UBR1: variants seen among roughly 807,000 people sequenced by gnomAD.
UBR1 encodes E3 ubiquitin-protein ligase UBR1.
Under a neutral mutation model 242.1 loss-of-function variants are expected in UBR1, and 102 were observed. The ratio of observed to expected loss-of-function variants is 0.42; its 90% CI spans 0.36 to 0.50. UBR1 has a LOEUF of 0.50. Among genes scored for constraint, UBR1 ranks in the 20% least tolerant of loss-of-function variants. The probability of loss-of-function intolerance (pLI) is 0.01; values close to 1 mark genes in which losing one functional copy is unlikely to be tolerated. For synonymous variants in UBR1, 675 were observed against 684.8 expected (o/e 0.99, Z 0.22); for missense variants, 1,772 against 2,101.8 (o/e 0.84, Z 3.07).
chr15:43,006,126 A>C (rs1395946598), intron 30 of UBR1, among the ~76,000 whole-genome samples: 3 of 151,650 alleles, frequency 2.0e-5, no homozygotes, highest in Non-Finnish European at 4.4e-5. Context: ...AAAAGAAAAG[A>C]AAAGCACAGA....
Position 42,977,920 on chromosome 15 carries a change from T to C in UBR1, c.4178A>G (p.Asp1393Gly). 6.2e-7 allele frequency: 1 copy of C among 1,613,354 alleles called. No homozygotes were observed. The highest frequency in any genetic ancestry group is 8.5e-7 in the Non-Finnish European group (1 of 1,179,522). ...ATCTATAGACAGAAGGCATGGTGTA[T>C]CTTCTGATTTTATGTTAGGAAGAAC... ...SVVLPNIKSEDTPCLLSIDLF... is the reference protein window; with the variant it reads ...SVVLPNIKSEGTPCLLSIDLF... Residue 1393 changes from aspartate to glycine, a missense_variant, in exon 38 of 47, where the codon GAT becomes GGT. Asp to Gly is a moderately conservative substitution (Grantham distance 94, BLOSUM62 -1). Coordinates refer to ENST00000290650, the MANE Select transcript of UBR1 (RefSeq NM_174916.3).
At chr15:43,076,751 C>A (rs1220206134) in intron 3 of UBR1, among the ~76,000 whole-genome samples, 1 of 143,668 alleles carries the variant, frequency 7.0e-6, no homozygotes, top group Non-Finnish European at 1.5e-5. Flanking sequence ...CGCCTGGCAG[C>A]CACCGCGTCC....
chr15:42,999,338 C>A (rs955009976), intron 32 of UBR1, among the ~76,000 whole-genome samples: 2 of 152,208 alleles, frequency 1.3e-5, no homozygotes, highest in Admixed American at 1.3e-4. Context: ...TCAAATGTCA[C>A]CATCTCAGAG....
At chr15:43,092,907 T>C (rs1878767918) in intron 1 of UBR1, among the ~76,000 whole-genome samples, 1 of 152,210 alleles carries the variant, frequency 6.6e-6, no homozygotes, top group African/African-American at 2.4e-5. Context: ...ATGTTTTCCA[T>C]TATTGCCAAA....
At chr15:43,045,296 C>CA (rs2033470665) in intron 14 of UBR1, among the ~76,000 whole-genome samples, 1 of 151,814 alleles carries the variant, frequency 6.6e-6, no homozygotes. Flanking sequence ...CCTGTCTCTG[C>CA]AAAAAATAAA....
chr15:43,027,480 T>G (rs940984931), intron 22 of UBR1, among the ~76,000 whole-genome samples: 5 of 152,238 alleles, frequency 3.3e-5, no homozygotes, highest in African/African-American at 9.6e-5. Context: ...AATGAAATCA[T>G]GGGTTCAGAT....
intron 32 of UBR1, among the ~76,000 whole-genome samples, chr15:43,001,652 T>C (rs2032726975): frequency 6.6e-6 from 1 of 152,166 alleles, no homozygotes; most frequent in African/African-American, 2.4e-5. Flanking sequence ...AATATAGAAA[T>C]ATATAATTAA....
chr15:42,971,260 T>C (rs1596080253), intron 39 of UBR1, among the ~76,000 whole-genome samples: 1 of 152,176 alleles, frequency 6.6e-6, no homozygotes, highest in Non-Finnish European at 1.5e-5. Flanking sequence ...GAAAGGGAAG[T>C]AGGTGTCTGT....
At chr15:42,986,867 A>G (rs1457379241) in intron 35 of UBR1, among the ~76,000 whole-genome samples, 2 of 152,130 alleles carry the variant, frequency 1.3e-5, no homozygotes. Flanking sequence ...GAGGGCACCA[A>G]CCCCAGGAAG....
At chr15:43,065,414 G>A (rs929417434) in intron 6 of UBR1, among the ~76,000 whole-genome samples, 4 of 151,654 alleles carry the variant, frequency 2.6e-5, no homozygotes, top group African/African-American at 9.7e-5. Flanking sequence ...TTTTACAGAG[G>A]TAAACGTGTG....
rs2033567748 is a variant in UBR1, at chr15:43,052,403, T to C, written c.1439+2339A>G. 2.0e-5 allele frequency among the ~76,000 whole-genome samples: 3 copies of C among 151,364 alleles called. No homozygotes were observed. In the South Asian group the frequency reaches 6.3e-4, roughly 32 times the overall value. On this transcript the variant is annotated intron_variant, in intron 12 of 46. Transcript: ENST00000290650. The stretch of plus-strand genomic sequence containing the variant: ...TAAAAGCTACAAAAAAAGACAAGAG[T>C]TCAATATACAATAGGAAACTTTCTA...
Position 43,038,177 on chromosome 15 carries a change from C to T in UBR1, c.1905G>A (p.Val635=), listed in dbSNP as rs776163753. Residue 635 remains valine (V), a synonymous_variant, in exon 16 of 47, where the codon GTG becomes GTA. Coordinates refer to ENST00000290650, the MANE Select transcript of UBR1 (RefSeq NM_174916.3). The part of the protein sequence containing the change: ...LGAVSRLHEF[V]SFEDFQVEVL... Reference sequence around the variant, plus strand: ...ACTTAGTAGAATCACTTACAAAAGACACAAATTCATGCAGTCTTGAAACAG... The same window carrying T: ...ACTTAGTAGAATCACTTACAAAAGATACAAATTCATGCAGTCTTGAAACAG... 1.2e-6 allele frequency: 2 copies of T among 1,613,808 alleles called. No homozygotes were observed. The highest frequency in any genetic ancestry group is 1.7e-5 in the Admixed American group (1 of 59,976).
intron 37 of UBR1, among the ~76,000 whole-genome samples, chr15:42,983,621 C>T (rs188068111): frequency 3.3e-5 from 5 of 150,524 alleles, no homozygotes; most frequent in African/African-American, 9.7e-5. Context: ...GCCGAGATTG[C>T]GCCATTGCTC....
rs372946259 is a variant in UBR1 at position 43,029,969 on chromosome 15, G to T, written c.2354C>A (p.Ala785Asp). ...LLCIEPMPHSAIAKNLPENEN... is the reference protein window; with the variant it reads ...LLCIEPMPHSDIAKNLPENEN... The stretch of plus-strand genomic sequence containing the variant: ...ATTCTCAGGTAAATTTTTGGCAATG[G>T]CACTGTGTGGCATGGGTTCAATGCA... Residue 785 changes from alanine (A) to aspartate (D), a missense_variant, in exon 21 of 47, where the codon GCC (alanine) becomes GAC (aspartate). Physicochemically the swap from Ala to Asp is moderately radical, Grantham distance 126. Transcript: ENST00000290650. 6.2e-7 allele frequency: 1 copy of T among 1,613,896 alleles called. No homozygotes were observed. Among genetic ancestry groups the T allele is most frequent in the African/African-American group, 1.3e-5 (1 of 74,888 alleles).
At chr15:43,059,519 C>A (rs1252988670) in intron 8 of UBR1, among the ~76,000 whole-genome samples, 183 bp downstream of exon 8, 8 of 149,712 alleles carry the variant, frequency 5.3e-5, no homozygotes, top group Non-Finnish European at 1.2e-4. Flanking sequence ...ATACTATGCA[C>A]TTGAAATAAT....
In UBR1 at chr15:43,096,884, T is replaced by C. The variant is rs143988970; in HGVS notation, c.81+9058A>G. ...AACCCCTCAAAGTCATCCAGGAGGG[T>C]TGGAATCAACTTCTTCCAAACTCCT... is the stretch of plus-strand genomic sequence containing the variant. On this transcript the variant is annotated intron_variant, in intron 1 of 46. Coordinates refer to ENST00000290650, the MANE Select transcript of UBR1 (RefSeq NM_174916.3). Among the ~76,000 whole-genome samples the C allele has an allele frequency of 5.9e-5, 9 of 152,026 alleles. No homozygotes were observed. In the East Asian group the frequency reaches 1.5e-3, roughly 26 times the overall value.
Position 43,048,430 on chromosome 15 carries a change from C to T in UBR1, c.1501G>A (p.Gly501Ser), listed in dbSNP as rs1393339623. The T allele has an allele frequency of 6.2e-7, 1 of 1,613,510 alleles. No individual in the cohort carries two copies. Among genetic ancestry groups the T allele is most frequent in the African/African-American group, 1.3e-5 (1 of 74,876 alleles). The part of the protein sequence containing the change: ...TERLRMQFLE[G>S]FRSFLKILTC... ...AGAATCTTCAAAAAAGATCGAAAAC[C>T]TTCAAGGAACTGCATTCTTAATCTT... Residue 501 changes from glycine (G) to serine (S), a missense_variant, in exon 13 of 47, where the codon GGT (glycine) becomes AGT (serine). Coordinates refer to ENST00000290650, the MANE Select transcript of UBR1 (RefSeq NM_174916.3).
chr15:43,007,097 G>A lies in UBR1; in HGVS notation c.3397C>T (p.Pro1133Ser), dbSNP rs756693535. 6.2e-7 allele frequency: 1 copy of A among 1,614,110 alleles called. No homozygotes were observed. Residue 1133 changes from proline (P) to serine (S), a missense_variant, in exon 30 of 47, where the codon CCC (proline) becomes TCC (serine). Physicochemically the swap from Pro to Ser is moderately conservative, Grantham distance 74. Around this residue, in one of 3 missense-constraint regions of UBR1, gnomAD observed 965 missense variants for 1,079.7 expected, o/e 0.89. Coordinates refer to ENST00000290650, the MANE Select transcript of UBR1 (RefSeq NM_174916.3). ...TACATACCTCCTGAGAGTTCTATGG[G>A]TTTTCCCCTGTGCTGGGTTAAGGCA... Reference protein sequence around the residue: ...STALTQHRGKPIELSGEALDP... With the variant: ...STALTQHRGKSIELSGEALDP...
At chr15:42,984,018 TA>T in intron 36 of UBR1, 25 bp from the exon 37 acceptor site, 2 of 1,589,740 alleles carry the variant, frequency 1.3e-6, no homozygotes, top group Admixed American at 1.7e-5. Flanking sequence ...AGAAGGAAGA[TA>T]AAAAGATGAG....
Sources: gnomAD v4.1 joint callset for allele counts (sites outside exome capture counted in the v4.1 genomes callset) on GRCh38, gnomAD v4.1.1 for gene constraint, gnomAD v4.1.1 regional missense constraint, MANE v1.5 for transcripts, NCBI Gene and HGNC (gene_info 2026-07-23, HGNC 2026-07-21) for gene names.